ARG2: variants seen among roughly 807,000 people sequenced by gnomAD.
The protein encoded by ARG2 is arginase-2, mitochondrial.
ARG2 carries 21 observed loss-of-function variants against 39.4 expected under a neutral mutation model. The observed-to-expected ratio is 0.53, with a 90% CI of 0.38 to 0.77. ARG2 has a LOEUF of 0.77. Ranked by LOEUF, ARG2 falls within the 30% of genes least tolerant of loss-of-function variation. The probability of loss-of-function intolerance (pLI) is 0.00; values close to 1 mark genes in which losing one functional copy is unlikely to be tolerated. For missense variants in ARG2, 378 were observed against 426.2 expected, an observed-to-expected ratio of 0.89 and a Z score of 1.00; for synonymous variants, 150 against 156.7, an observed-to-expected ratio of 0.96 and a Z score of 0.32.
intron 2 of ARG2, among the ~76,000 whole-genome samples, chr14:67,631,579 G>GGACATGCCACCAC (rs2036919781): frequency 6.6e-6 from 1 of 151,560 alleles, no homozygotes; most frequent in African/African-American, 2.4e-5. Flanking sequence ...GGAACTACAG[G>GGACATGCCACCAC]GACATGCCAC....
chr14:67,622,951 G>GT, intron 2 of ARG2, among the ~76,000 whole-genome samples: 1 of 152,230 alleles, frequency 6.6e-6, no homozygotes, highest in South Asian at 2.1e-4. Flanking sequence ...ACAGCTCTTG[G>GT]TATTTTTCCA....
chr14:67,639,793 C>T (rs986818600), intron 2 of ARG2, among the ~76,000 whole-genome samples: 10 of 152,094 alleles, frequency 6.6e-5, no homozygotes, highest in East Asian at 3.9e-4. Context: ...GACGTGGTGG[C>T]GCACACCTGT....
chr14:67,625,214 A>G (rs2036851205), intron 2 of ARG2, among the ~76,000 whole-genome samples: 1 of 152,224 alleles, frequency 6.6e-6, no homozygotes, highest in Non-Finnish European at 1.5e-5. Flanking sequence ...AAAATGGACC[A>G]AAGTCCTAAA....
chr14:67,630,291 C>T (rs892075841), intron 2 of ARG2, among the ~76,000 whole-genome samples: 1 of 152,220 alleles, frequency 6.6e-6, no homozygotes, highest in Non-Finnish European at 1.5e-5. Context: ...ATTTCACTCT[C>T]AAGTAAACAA....
At position 67,645,552 on chromosome 14, in the gene ARG2, G is replaced by A. The variant is rs1009068777; in HGVS notation, c.363-91G>A. 2.1e-6 allele frequency: 3 copies of A among 1,448,168 alleles called. No homozygotes were observed. The African/African-American group carries it at 4.2e-5, about 20-fold the overall frequency. 89.7% of individuals were successfully genotyped at this position (1,448,168 alleles called of 1,614,324 possible). On this transcript the variant is annotated intron_variant, in intron 3 of 7. Coordinates refer to ENST00000261783, the MANE Select transcript of ARG2 (RefSeq NM_001172.4). ...ATCTAGGCCCTGGCTTTGCACTGTG[G>A]AGAGAGTATAAGTTGTTTTGGCTGA...
chr14:67,629,134 G>T (rs1199648982), intron 2 of ARG2, among the ~76,000 whole-genome samples: 1 of 152,188 alleles, frequency 6.6e-6, no homozygotes, highest in African/African-American at 2.4e-5. Context: ...AGGAGTTTGA[G>T]ACCAGCCTGG....
At position 67,648,099 on chromosome 14, in the gene ARG2, C is replaced by T. The variant is rs778606810; in HGVS notation, c.775C>T (p.Leu259=). 8.7e-6 allele frequency: 14 copies of T among 1,613,938 alleles called. No homozygotes were observed. The South Asian group carries it at 1.1e-4, about 13-fold the overall frequency. Residue 259 remains leucine (L), a synonymous_variant, in exon 7 of 8, where the codon CTG becomes TTG. Transcript: ENST00000261783. ...SFDIDAFDPT[L]APATGTPVVG... is the part of the protein sequence containing the mutation. ...TGATATTGATGCATTTGACCCTACA[C>T]TGGCTCCAGCCACAGGAACTCCTGT... is the stretch of plus-strand genomic sequence containing the variant.
intron 3 of ARG2, among the ~76,000 whole-genome samples, chr14:67,643,852 T>TAAAAAAAAA (rs553614739): frequency 1.2e-5 from 1 of 81,216 alleles, no homozygotes; most frequent in Admixed American, 1.2e-4. Flanking sequence ...TCCTTGGGAG[T>TAAAAAAAAA]AAAAAAAAAA....
Position 67,650,998 on chromosome 14 carries a change from T to C in ARG2, c.*78T>C. On this transcript the variant is annotated 3_prime_UTR_variant, in exon 8 of 8. Transcript: ENST00000261783. ...ATTGAGGGGATAGATGAATACTAAA[T>C]GGTTGTCTGGGTCAATACTGCCTTA... 1 of 1,395,578 alleles carries C rather than the reference T, an allele frequency of 7.2e-7. No homozygotes were observed. The highest frequency in any genetic ancestry group is 1.0e-6 in the Non-Finnish European group (1 of 1,001,120). The allele number at this position is 1,395,578 out of a possible 1,614,324, so 86.4% of individuals were successfully genotyped here.
intron 2 of ARG2, among the ~76,000 whole-genome samples, chr14:67,637,410 C>CAAAA (rs34746542): frequency 9.1e-4 from 94 of 103,580 alleles, no homozygotes; most frequent in East Asian, 2.7e-3. Flanking sequence ...GACTCTGTCT[C>CAAAA]AAAAAAAAAA....
chr14:67,637,419 A>AAG (rs2140753079), intron 2 of ARG2, among the ~76,000 whole-genome samples: 1 of 114,928 alleles, frequency 8.7e-6, no homozygotes, highest in South Asian at 2.6e-4. Context: ...TCAAAAAAAA[A>AAG]AAAAAAAAAA....
intron 2 of ARG2, among the ~76,000 whole-genome samples, chr14:67,626,034 A>ACCATG (rs1224526990): frequency 6.6e-6 from 1 of 152,104 alleles, no homozygotes; most frequent in African/African-American, 2.4e-5. Flanking sequence ...CGGGCAGATC[A>ACCATG]TTTCAGGTCA....
chr14:67,632,139 A>G (rs899423568), intron 2 of ARG2, among the ~76,000 whole-genome samples: 9 of 151,970 alleles, frequency 5.9e-5, no homozygotes, highest in Non-Finnish European at 1.2e-4. Context: ...TTCCCACCTC[A>G]GCCTCTCAAA....
rs747425817 is a variant in ARG2 at position 67,645,680 on chromosome 14, T to C, written c.400T>C (p.Cys134Arg). The change falls in exon 4 of 8, where the codon TGC becomes CGC. Residue 134 changes from cysteine (C) to arginine (R), a missense_variant. Cys to Arg is a radical substitution (Grantham distance 180). Transcript: ENST00000261783. ...TACCATTAGTGGCCATGCCCGACAC[T>C]GCCCAGACCTTTGTGTTGTCTGGGT... The part of the protein sequence containing the change: ...IGTISGHARH[C>R]PDLCVVWVDA... The C allele has an allele frequency of 6.2e-7, 1 of 1,613,926 alleles. No homozygotes were observed. Among genetic ancestry groups the C allele is most frequent in the Admixed American group, 1.7e-5 (1 of 59,994 alleles).
At chr14:67,642,390 G>GGGAT (rs764742489) in intron 3 of ARG2, 27 bp downstream of exon 3, 18 of 1,611,356 alleles carry the variant, frequency 1.1e-5, no homozygotes. Context: ...GCGTGGTGAG[G>GGGAT]GGATGGATTA....
intron 2 of ARG2, among the ~76,000 whole-genome samples, chr14:67,633,939 C>T (rs538370735): frequency 2.3e-3 from 344 of 152,330 alleles, no homozygotes; most frequent in Non-Finnish European, 3.0e-3. Context: ...TCCCGCCACA[C>T]CCTTTGTACA....
Position 67,633,374 on chromosome 14 carries a change from G to A in ARG2, c.185-8812G>A, listed in dbSNP as rs182632703. 3.8e-3 allele frequency among the ~76,000 whole-genome samples: 571 copies of A among 152,124 alleles called. 2 individuals are homozygous for A. Among genetic ancestry groups the A allele is most frequent in the African/African-American group, 0.013 (538 of 41,478 alleles). ...GGTGTCCTATGACATATTCTATGGC[G>A]ATGTATACTTCATCAGAGGTGACAT... On this transcript the variant is annotated intron_variant, in intron 2 of 7. Coordinates refer to ENST00000261783, the MANE Select transcript of ARG2 (RefSeq NM_001172.4).
At chr14:67,645,447 G>C (rs552947104) in intron 3 of ARG2, among the ~76,000 whole-genome samples, 196 bp from the exon 4 acceptor site, 1 of 152,128 alleles carries the variant, frequency 6.6e-6, no homozygotes, top group African/African-American at 2.4e-5. Flanking sequence ...CACCAGCTTC[G>C]AATCTCTAGG....
At chr14:67,646,073 C>T (rs754446582) in intron 4 of ARG2, among the ~76,000 whole-genome samples, 29 of 152,204 alleles carry the variant, frequency 1.9e-4, no homozygotes, top group Non-Finnish European at 3.1e-4. Flanking sequence ...TAGAGGCTCC[C>T]AGGCCATACT....
Sources: gnomAD v4.1 joint callset for allele counts (sites outside exome capture counted in the v4.1 genomes callset) on GRCh38, gnomAD v4.1.1 for gene constraint, MANE v1.5 for transcripts, NCBI Gene and HGNC (gene_info 2026-07-23, HGNC 2026-07-21) for gene names.